Variants in ARHGEF11 observed in about 807,000 individuals in gnomAD.
ARHGEF11 encodes the protein Rho guanine nucleotide exchange factor 11.
Under a neutral mutation model 193.7 loss-of-function variants are expected in ARHGEF11, and 55 were observed. The observed-to-expected ratio is 0.28, with a 90% CI of 0.23 to 0.36. The LOEUF (loss-of-function observed/expected upper bound fraction) is 0.36. Among genes scored for constraint, ARHGEF11 ranks in the 10% least tolerant of loss-of-function variants. The pLI, the probability that ARHGEF11 is intolerant of heterozygous loss-of-function variation, is 1.00. For missense variants in ARHGEF11, 1,723 were observed against 2,005.6 expected, an observed-to-expected ratio of 0.86 and a Z score of 2.69; for synonymous variants, 693 against 768.0, an observed-to-expected ratio of 0.90 and a Z score of 1.62.
intron 1 of ARHGEF11, among the ~76,000 whole-genome samples, chr1:156,989,100 G>T (rs1228596375): frequency 6.6e-6 from 1 of 152,050 alleles, no homozygotes; most frequent in African/African-American, 2.4e-5. Flanking sequence ...TTTGGCAGCA[G>T]AGCTCAGATT....
chr1:157,044,706 A>C lies in ARHGEF11; in HGVS notation c.-376T>G. On this transcript the variant is annotated 5_prime_UTR_variant, in exon 1 of 41. Coordinates refer to ENST00000368194, the MANE Select transcript of ARHGEF11 (RefSeq NM_198236.3). ...CAGAAAAATGTGCCTTCAAAATATC[A>C]CTGTTAACTGCAAAGTACAGATAAA... 1 of 426,358 alleles carries C rather than the reference A, an allele frequency of 2.3e-6. No homozygotes were observed. Among genetic ancestry groups the C allele is most frequent in the South Asian group, 8.6e-5 (1 of 11,596 alleles). 26.4% of individuals were successfully genotyped at this position (426,358 alleles called of 1,614,324 possible).
chr1:156,962,361 T>G (rs1307096258), intron 13 of ARHGEF11, among the ~76,000 whole-genome samples: 2 of 152,112 alleles, frequency 1.3e-5, no homozygotes. Flanking sequence ...CCGCAACTCC[T>G]CTACTCCATC....
At chr1:156,956,756 A>G (rs1660018187) in intron 18 of ARHGEF11, among the ~76,000 whole-genome samples, 192 bp from the exon 19 acceptor site, 1 of 152,200 alleles carries the variant, frequency 6.6e-6, no homozygotes, top group Non-Finnish European at 1.5e-5. Flanking sequence ...GACCTTCTCC[A>G]CACAGTGAGC....
At chr1:157,009,349 A>C (rs1668275939) in intron 1 of ARHGEF11, among the ~76,000 whole-genome samples, 1 of 152,234 alleles carries the variant, frequency 6.6e-6, no homozygotes, top group African/African-American at 2.4e-5. Flanking sequence ...ATGCTTTGAC[A>C]TTTGAGGCAT....
intron 8 of ARHGEF11, among the ~76,000 whole-genome samples, chr1:156,970,832 C>T (rs1662391741): frequency 6.6e-6 from 1 of 152,068 alleles, no homozygotes; most frequent in Non-Finnish European, 1.5e-5. Context: ...ATTAACTTGC[C>T]CAAGAGTCTT....
At chr1:157,024,319 A>ATT (rs1038435537) in intron 1 of ARHGEF11, among the ~76,000 whole-genome samples, 36 of 152,118 alleles carry the variant, frequency 2.4e-4, no homozygotes, top group African/African-American at 7.7e-4. Flanking sequence ...CTTGAGGTTT[A>ATT]TTTTTGGGGT....
rs35919513 is a variant in ARHGEF11, at chr1:156,995,722, T to TA, written c.33-9550dup. ...CCAGCTTGTTTTTTTTTTTTTTTTT[T>TA]AAATAGAGATGAGCTCTGACTATCT... On this transcript the variant is annotated intron_variant, in intron 1 of 40. Transcript: ENST00000368194. 1.3e-4 allele frequency among the ~76,000 whole-genome samples: 20 copies of TA among 150,296 alleles called. No individual in the cohort carries two copies. The East Asian group carries it at 3.7e-3, about 28-fold the overall frequency.
chr1:156,987,757 G>GAGAA, intron 1 of ARHGEF11, among the ~76,000 whole-genome samples: 1 of 152,262 alleles, frequency 6.6e-6, no homozygotes, highest in East Asian at 1.9e-4. Flanking sequence ...GGATCAGAGA[G>GAGAA]AGAAGGACAT....
At chr1:156,986,823 TTTC>T (rs1220989874) in intron 1 of ARHGEF11, among the ~76,000 whole-genome samples, 1 of 152,204 alleles carries the variant, frequency 6.6e-6, no homozygotes, top group African/African-American at 2.4e-5. Flanking sequence ...ACTTGCACAC[TTTC>T]TAGAAAAGAC....
chr1:156,957,804 T>G lies in ARHGEF11; in HGVS notation c.1514A>C (p.Glu505Ala). The G allele has an allele frequency of 6.2e-7, 1 of 1,614,124 alleles. No homozygotes were observed. Among genetic ancestry groups the G allele is most frequent in the Non-Finnish European group, 8.5e-7 (1 of 1,179,988 alleles). Residue 505 changes from glutamate to alanine, a missense_variant, in exon 18 of 41, where the codon GAG (glutamate) becomes GCG (alanine). This residue lies in a region of ARHGEF11 where 646 missense variants were observed against 710.7 expected (regional missense o/e 0.91). Transcript: ENST00000368194. ...TAGACTTGCTTACCTCCTGTCTTCC[T>G]CATACTTGGACCTGGAATGGAAGAA... Reference protein sequence around the residue: ...AALGDILSKYEEDRSAPMDFA... With the variant: ...AALGDILSKYAEDRSAPMDFA...
intron 15 of ARHGEF11, 63 bp from the exon 16 acceptor site, chr1:156,959,205 C>T: frequency 7.1e-7 from 1 of 1,418,174 alleles, no homozygotes; most frequent in Non-Finnish European, 9.9e-7. Flanking sequence ...GGGATCCCTT[C>T]TGCTGAGCAT....
intron 4 of ARHGEF11, 75 bp from the exon 5 acceptor site, chr1:156,979,361 C>CTT (rs36031299): frequency 0.11 from 55,368 of 491,960 alleles, 2,146 homozygotes; most frequent in African/African-American, 0.25. Flanking sequence ...CAAAATGCCA[C>CTT]TTTTTTTTTT....
Position 156,944,431 on chromosome 1 carries a change from G to C in ARHGEF11, c.2994C>G (p.Ser998Arg), listed in dbSNP as rs1034103361. 5 of 1,607,112 alleles carry C rather than the reference G, an allele frequency of 3.1e-6. No individual in the cohort carries two copies. Among genetic ancestry groups the C allele is most frequent in the Admixed American group, 1.7e-5 (1 of 58,978 alleles). ...ASNPLAAEFK[S>R]LDLTTRKMIH... Reference sequence around the variant, plus strand: ...TCATTTTTCTGGTTGTAAGATCCAGGCTCTGTTAAGGAGACACCATTCATT... The same window carrying C: ...TCATTTTTCTGGTTGTAAGATCCAGCCTCTGTTAAGGAGACACCATTCATT... Residue 998 changes from serine (S) to arginine (R), a missense_variant and splice_region_variant, in exon 31 of 41, where the codon AGC becomes AGG. Transcript: ENST00000368194.
chr1:156,940,056 G>A, intron 36 of ARHGEF11, 146 bp from the exon 37 acceptor site: 3 of 1,424,348 alleles, frequency 2.1e-6, no homozygotes, highest in Non-Finnish European at 2.8e-6. Flanking sequence ...GGTGGGGGTT[G>A]GGTGGGGAAT....
At chr1:156,978,710 G>A (rs1208018947) in intron 5 of ARHGEF11, among the ~76,000 whole-genome samples, 1 of 152,186 alleles carries the variant, frequency 6.6e-6, no homozygotes, top group African/African-American at 2.4e-5. Context: ...TGAGCATACT[G>A]CCCACATGGC....
At chr1:156,936,495 A>ATAT (rs1330599702) in intron 40 of ARHGEF11, among the ~76,000 whole-genome samples, 1,074 of 56,680 alleles carry the variant, frequency 0.019, 2 homozygotes, top group Non-Finnish European at 0.025. Context: ...AAAAAAAAAA[A>ATAT]AAATATATAT....
chr1:156,947,374 C>T lies in ARHGEF11; in HGVS notation c.2418G>A (p.Lys806=). 1 of 1,614,072 alleles carries T rather than the reference C, an allele frequency of 6.2e-7. No individual in the cohort carries two copies. The highest frequency in any genetic ancestry group is 8.5e-7 in the Non-Finnish European group (1 of 1,179,996). The change falls in exon 26 of 41, where the codon AAG becomes AAA. Residue 806 remains lysine (K), a synonymous_variant. Transcript: ENST00000368194. ...LDLIFYQRMK[K]ENLMPREELA... ...GCTCCTCCCGGGGCATCAGGTTCTCCTTCTTCATTCGCTGGTAGAAGATCA... is the reference window on the plus strand; with the variant it reads ...GCTCCTCCCGGGGCATCAGGTTCTCTTTCTTCATTCGCTGGTAGAAGATCA...
chr1:156,978,656 T>C (rs1663613993), intron 5 of ARHGEF11, among the ~76,000 whole-genome samples: 1 of 152,230 alleles, frequency 6.6e-6, no homozygotes, highest in South Asian at 2.1e-4. Flanking sequence ...CAGCCTCTTG[T>C]TTCCCCCTTT....
At chr1:156,957,729 T>G in intron 18 of ARHGEF11, 63 bp downstream of exon 18, 2 of 1,542,206 alleles carry the variant, frequency 1.3e-6, no homozygotes, top group Non-Finnish European at 1.8e-6. Flanking sequence ...ATGGAAAGCA[T>G]AGTAGCTCAA....
Sources: allele counts gnomAD v4.1 joint callset (sites outside exome capture counted in the v4.1 genomes callset), GRCh38; gene constraint gnomAD v4.1.1; regional missense constraint gnomAD v4.1.1; transcripts MANE v1.5; gene names NCBI Gene and HGNC (gene_info 2026-07-23, HGNC 2026-07-21).